The following CACNB2 variants were observed in gnomAD, a reference collection of about 807,000 sequenced individuals.
CACNB2 encodes calcium voltage-gated channel auxiliary subunit beta 2.
A neutral mutation model predicts 73.3 loss-of-function variants in CACNB2; 42 were observed. That is an observed-to-expected ratio of 0.57 (90% CI 0.45 to 0.74). CACNB2 has a LOEUF of 0.74. CACNB2 is among the 30% of genes least tolerant of loss of function. CACNB2 has a pLI of 0.00. For synonymous variants in CACNB2, 348 were observed against 310.3 expected, an observed-to-expected ratio of 1.12 and a Z score of -1.28; for missense variants, 940 against 853.0, an observed-to-expected ratio of 1.10 and a Z score of -1.27.
At chr10:18,294,388 A>G (rs2039192147) in intron 2 of CACNB2, among the ~76,000 whole-genome samples, 1 of 152,222 alleles carries the variant, frequency 6.6e-6, no homozygotes, top group Admixed American at 6.5e-5. Context: ...CAAGGGTTCG[A>G]CATTCATTCA....
At chr10:18,382,628 G>A (rs915365094) in intron 2 of CACNB2, among the ~76,000 whole-genome samples, 6 of 152,154 alleles carry the variant, frequency 3.9e-5, no homozygotes, top group Admixed American at 6.5e-5. Context: ...TTATAAGTGA[G>A]AACATGCAGT....
At chr10:18,503,862 T>G (rs2050343094) in intron 5 of CACNB2, among the ~76,000 whole-genome samples, 1 of 152,212 alleles carries the variant, frequency 6.6e-6, no homozygotes, top group African/African-American at 2.4e-5. Context: ...AATGTCATCA[T>G]GTACACTGTG....
intron 2 of CACNB2, among the ~76,000 whole-genome samples, chr10:18,391,583 G>T (rs1266761491): frequency 1.3e-5 from 2 of 152,056 alleles, no homozygotes; most frequent in Non-Finnish European, 2.9e-5. Context: ...TCCTAATCAA[G>T]GGAGACATAT....
intron 2 of CACNB2, among the ~76,000 whole-genome samples, chr10:18,287,385 C>A (rs2038850049): frequency 6.6e-6 from 1 of 151,964 alleles, no homozygotes; most frequent in Non-Finnish European, 1.5e-5. Context: ...TAACATTTTA[C>A]AGTGACATTA....
At chr10:18,202,749 G>A (rs2034937101) in intron 2 of CACNB2, among the ~76,000 whole-genome samples, 1 of 152,168 alleles carries the variant, frequency 6.6e-6, no homozygotes, top group Non-Finnish European at 1.5e-5. Context: ...TCTGTGTTGT[G>A]GCTGTGGAGT....
rs753582404 is a variant in CACNB2, at chr10:18,518,901, C to T, written c.886-9C>T. On this transcript the variant is annotated splice_polypyrimidine_tract_variant and intron_variant, in intron 8 of 13. Coordinates refer to ENST00000324631, the MANE Select transcript of CACNB2 (RefSeq NM_201596.3). ...GTCATATCTTAATTTATTGCTTGCT[C>T]AATTGCAGGTCACAGATATGATGCA... is the stretch of plus-strand genomic sequence containing the variant. 1.9e-6 allele frequency: 3 copies of T among 1,612,264 alleles called. No individual in the cohort carries two copies. Among genetic ancestry groups the T allele is most frequent in the African/African-American group, 2.7e-5 (2 of 74,840 alleles).
chr10:18,316,721 C>T (rs917935347), intron 2 of CACNB2, among the ~76,000 whole-genome samples: 8 of 152,160 alleles, frequency 5.3e-5, no homozygotes, highest in African/African-American at 1.9e-4. Flanking sequence ...CTCAGCTTCC[C>T]AGGGTGCTGG....
intron 2 of CACNB2, among the ~76,000 whole-genome samples, chr10:18,231,804 C>T (rs933545001): frequency 6.6e-6 from 1 of 152,180 alleles, no homozygotes; most frequent in African/African-American, 2.4e-5. Context: ...TTATTCAAGA[C>T]TCATTGTTCA....
intron 2 of CACNB2, among the ~76,000 whole-genome samples, chr10:18,310,425 G>C (rs1036653934): frequency 6.6e-6 from 1 of 151,010 alleles, no homozygotes; most frequent in Non-Finnish European, 1.5e-5. Flanking sequence ...GACCAACATG[G>C]AGAAACCCCA....
intron 13 of CACNB2, 132 bp from the exon 14 acceptor site, chr10:18,539,098 A>G (rs145808514): frequency 9.2e-5 from 104 of 1,127,036 alleles, no homozygotes; most frequent in Non-Finnish European, 1.3e-4. Context: ...TACCAAAGGG[A>G]TGAAGCTAGG....
intron 2 of CACNB2, among the ~76,000 whole-genome samples, chr10:18,371,610 C>G (rs1441375504): frequency 1.3e-5 from 2 of 152,146 alleles, no homozygotes; most frequent in African/African-American, 4.8e-5. Context: ...CATTGTTGGA[C>G]ATTTGGGTTG....
intron 3 of CACNB2, among the ~76,000 whole-genome samples, chr10:18,420,326 CACACAGAG>C (rs1049852811): frequency 3.0e-5 from 4 of 131,758 alleles, no homozygotes; most frequent in African/African-American, 7.9e-5. Flanking sequence ...CACACACACA[CACACAGAG>C]AGAGAGAGAG....
At chr10:18,150,238 C>T (rs1163731841) in intron 1 of CACNB2, among the ~76,000 whole-genome samples, 3 of 152,176 alleles carry the variant, frequency 2.0e-5, no homozygotes, top group African/African-American at 7.2e-5. Context: ...AATCATCTTA[C>T]CTTTAACTTC....
intron 6 of CACNB2, among the ~76,000 whole-genome samples, chr10:18,510,086 C>A (rs1157998071): frequency 6.6e-6 from 1 of 152,068 alleles, no homozygotes; most frequent in African/African-American, 2.4e-5. Context: ...TTGAAAGTGA[C>A]CACATGTTTC....
intron 2 of CACNB2, among the ~76,000 whole-genome samples, chr10:18,378,318 ATTTG>A (rs1184647328): frequency 6.6e-6 from 1 of 152,160 alleles, no homozygotes; most frequent in Non-Finnish European, 1.5e-5. Flanking sequence ...GCTTGAAATT[ATTTG>A]TTACCAAAAA....
intron 2 of CACNB2, among the ~76,000 whole-genome samples, chr10:18,314,661 A>C (rs1386488381): frequency 6.6e-6 from 1 of 152,200 alleles, no homozygotes; most frequent in East Asian, 1.9e-4. Flanking sequence ...ACCATTCAAA[A>C]ACTGTCTGCC....
At chr10:18,183,337 T>A (rs1435710165) in intron 2 of CACNB2, among the ~76,000 whole-genome samples, 1 of 84,136 alleles carries the variant, frequency 1.2e-5, no homozygotes, top group Non-Finnish European at 2.8e-5. Context: ...TTTTTTATTA[T>A]TTTTTTTCAT....
intron 3 of CACNB2, among the ~76,000 whole-genome samples, chr10:18,448,343 G>A (rs1286591963): frequency 6.6e-6 from 1 of 151,994 alleles, no homozygotes; most frequent in Admixed American, 6.6e-5. Context: ...GATGGTGGGT[G>A]CCTATAATAT....
chr10:18,157,466 T>G (rs968180559), intron 2 of CACNB2, among the ~76,000 whole-genome samples: 6 of 152,246 alleles, frequency 3.9e-5, no homozygotes, highest in Admixed American at 3.3e-4. Context: ...ATATGCATTA[T>G]TTAAGGGTTT....
Sources: allele counts gnomAD v4.1 joint callset (sites outside exome capture counted in the v4.1 genomes callset), GRCh38; gene constraint gnomAD v4.1.1; transcripts MANE v1.5; gene names NCBI Gene and HGNC (gene_info 2026-07-23, HGNC 2026-07-21).